The following NEURL1 variants were observed in gnomAD, a reference collection of about 807,000 sequenced individuals.
The protein encoded by NEURL1 is neuralized E3 ubiquitin protein ligase 1, also known as E3 ubiquitin-protein ligase NEURL1.
NEURL1 carries 26 observed loss-of-function variants against 41.2 expected under a neutral mutation model. That is an observed-to-expected ratio of 0.63 (90% CI 0.46 to 0.87). The LOEUF is 0.87. Ranked by LOEUF, NEURL1 falls within the 40% of genes least tolerant of loss-of-function variation. The pLI is 0.00. For missense variants in NEURL1, 761 were observed against 871.1 expected (o/e 0.87, Z 1.59); for synonymous variants, 400 against 402.3 (o/e 0.99, Z 0.07).
chr10:103,538,346 G>A (rs751724728), intron 1 of NEURL1, among the ~76,000 whole-genome samples: 5 of 152,182 alleles, frequency 3.3e-5, no homozygotes, highest in African/African-American at 9.7e-5. Context: ...CAAGGCAGGC[G>A]GATCACCTGA....
chr10:103,567,303 C>A lies in NEURL1; in HGVS notation c.86-3569C>A, dbSNP rs563623184. Among the ~76,000 whole-genome samples the A allele has an allele frequency of 6.0e-5, 9 of 149,978 alleles. No individual in the cohort carries two copies. The East Asian group carries it at 1.8e-3, about 30-fold the overall frequency. On this transcript the variant is annotated intron_variant, in intron 1 of 5. Transcript: ENST00000369780. ...CCAGCCTGAAGGAACCTTTTTTTTT[C>A]TTCGTTTATAGGTTATGAGTATTTT... is the stretch of plus-strand genomic sequence containing the variant.
Position 103,566,230 on chromosome 10 carries a change from C to T in NEURL1, c.86-4642C>T, listed in dbSNP as rs1429460860. Among the ~76,000 whole-genome samples, 1 of 152,178 alleles carries T rather than the reference C, an allele frequency of 6.6e-6. No individual in the cohort carries two copies. Among genetic ancestry groups the T allele is most frequent in the African/African-American group, 2.4e-5 (1 of 41,448 alleles). ...TCAGCCTCCCAAGTAGCTGGGATTA[C>T]AGGTGCGAGACACCATGCCTGGCTA... On this transcript the variant is annotated intron_variant, in intron 1 of 5. Transcript: ENST00000369780. The surrounding 1 kb of genome is among the most constrained non-coding windows in gnomAD (Gnocchi z 4.2).
chr10:103,588,696 C>T (rs1255353428), intron 4 of NEURL1: 9 of 429,054 alleles, frequency 2.1e-5, no homozygotes, highest in African/African-American at 4.1e-5. Flanking sequence ...CCAGCAATCC[C>T]AGCACTTTGG....
chr10:103,584,279 A>G (rs2035847824), intron 3 of NEURL1, among the ~76,000 whole-genome samples: 1 of 152,224 alleles, frequency 6.6e-6, no homozygotes, highest in African/African-American at 2.4e-5. Flanking sequence ...ACATATGCAT[A>G]TAGCAAGCAC....
At position 103,558,129 on chromosome 10, in the gene NEURL1, C is replaced by T. The variant is rs1328278526; in HGVS notation, c.86-12743C>T. Reference sequence around the variant, plus strand: ...TCCTGACCTCGTGATCCACCTGTGTCGGCCTCCCAAAGTGCTGGGTTTACA... The same window carrying T: ...TCCTGACCTCGTGATCCACCTGTGTTGGCCTCCCAAAGTGCTGGGTTTACA... On this transcript the variant is annotated intron_variant, in intron 1 of 5. Transcript: ENST00000369780. The surrounding 1 kb of genome is among the most constrained non-coding windows in gnomAD (Gnocchi z 4.2). 1.1e-5 allele frequency: 10 copies of T among 934,708 alleles called. No individual in the cohort carries two copies. Among genetic ancestry groups the T allele is most frequent in the African/African-American group, 7.1e-5 (4 of 56,174 alleles). 57.9% of individuals were successfully genotyped at this position (934,708 alleles called of 1,614,324 possible).
Position 103,590,142 on chromosome 10 carries a change from C to T in NEURL1, c.1495C>T (p.Pro499Ser). 1 of 1,613,800 alleles carries T rather than the reference C, an allele frequency of 6.2e-7. No homozygotes were observed. The highest frequency in any genetic ancestry group is 8.5e-7 in the Non-Finnish European group (1 of 1,180,036). The change falls in exon 6 of 6, where the codon CCC becomes TCC. Residue 499 changes from proline to serine, a missense_variant. Pro to Ser is a moderately conservative substitution (Grantham distance 74). Coordinates refer to ENST00000369780, the MANE Select transcript of NEURL1 (RefSeq NM_004210.5). Reference sequence around the variant, plus strand: ...TGCCCCCTTGTCCTCAGGGACAGCCCCCAATTCGCCAGTGAGCCTGCCCGA... The same window carrying T: ...TGCCCCCTTGTCCTCAGGGACAGCCTCCAATTCGCCAGTGAGCCTGCCCGA... ...PLGSSAGGTA[P>S]NSPVSLPESP...
At chr10:103,494,614 G>A (rs1432930158) in intron 1 of NEURL1, 142 bp downstream of exon 1, 26 of 716,070 alleles carry the variant, frequency 3.6e-5, no homozygotes, top group Non-Finnish European at 5.5e-5. Context: ...GAGTGGGCTG[G>A]GGGTGGAGGG....
At chr10:103,553,104 G>A (rs1592216784) in intron 1 of NEURL1, among the ~76,000 whole-genome samples, 1 of 152,168 alleles carries the variant, frequency 6.6e-6, no homozygotes. Context: ...TAAAAGGCAG[G>A]CAGGGTGTGG....
At position 103,496,892 on chromosome 10, in the gene NEURL1, T is replaced by C. The variant is rs533372054; in HGVS notation, c.85+2420T>C. ...AGAGAGCTCCCAACTAATTGCATCT[T>C]TTTAATCTAAAATTTGGAATTGTGG... On this transcript the variant is annotated intron_variant, in intron 1 of 5. Coordinates refer to ENST00000369780, the MANE Select transcript of NEURL1 (RefSeq NM_004210.5). Among the ~76,000 whole-genome samples, 8 of 152,254 alleles carry C rather than the reference T, an allele frequency of 5.3e-5. No individual in the cohort carries two copies. The South Asian group carries it at 1.5e-3, about 28-fold the overall frequency.
chr10:103,581,091 G>A (rs1006906323), intron 3 of NEURL1, among the ~76,000 whole-genome samples: 4 of 152,122 alleles, frequency 2.6e-5, no homozygotes, highest in South Asian at 2.1e-4. Context: ...TGAAGTTATC[G>A]GGTAGCTTCT....
At chr10:103,500,297 C>T (rs976931428) in intron 1 of NEURL1, among the ~76,000 whole-genome samples, 3 of 152,118 alleles carry the variant, frequency 2.0e-5, no homozygotes, top group Non-Finnish European at 4.4e-5. Context: ...CCATTAATAC[C>T]CTCCCAACAA....
At chr10:103,518,393 C>A (rs537764739) in intron 1 of NEURL1, among the ~76,000 whole-genome samples, 2 of 152,158 alleles carry the variant, frequency 1.3e-5, no homozygotes, top group Admixed American at 1.3e-4. Context: ...TTCTTTCAAC[C>A]AGTATTTAGT....
intron 1 of NEURL1, among the ~76,000 whole-genome samples, chr10:103,525,731 C>T (rs549615799): frequency 6.6e-6 from 1 of 152,222 alleles, no homozygotes; most frequent in South Asian, 2.1e-4. Flanking sequence ...TATGGATGCT[C>T]TTTATTTTTT....
intron 1 of NEURL1, among the ~76,000 whole-genome samples, chr10:103,510,509 G>A (rs1388072247): frequency 6.6e-6 from 1 of 152,206 alleles, no homozygotes; most frequent in East Asian, 1.9e-4. Context: ...GCTCTGTGGG[G>A]CGGGAGATGG....
At chr10:103,585,293 A>C (rs2035895812) in intron 4 of NEURL1, 68 bp downstream of exon 4, 2 of 1,327,086 alleles carry the variant, frequency 1.5e-6, no homozygotes, top group Middle Eastern at 4.3e-4. Context: ...GGTAGGAGAC[A>C]AAGGGCGAGC....
intron 3 of NEURL1, among the ~76,000 whole-genome samples, chr10:103,574,156 G>A (rs2035608471): frequency 6.6e-6 from 1 of 152,198 alleles, no homozygotes; most frequent in African/African-American, 2.4e-5. Flanking sequence ...GAAAACGGCA[G>A]GTGGGTGGGG....
intron 1 of NEURL1, among the ~76,000 whole-genome samples, chr10:103,540,397 C>G (rs1356893729): frequency 6.6e-6 from 1 of 152,134 alleles, no homozygotes; most frequent in Non-Finnish European, 1.5e-5. Flanking sequence ...TCAAGTGATT[C>G]TCCTGCCTCA....
At chr10:103,522,602 CAAAAAAAA>C (rs528719693) in intron 1 of NEURL1, among the ~76,000 whole-genome samples, 1 of 106,732 alleles carries the variant, frequency 9.4e-6, no homozygotes, top group Non-Finnish European at 1.9e-5. Flanking sequence ...AACTCCATTT[CAAAAAAAA>C]AAAAAAAAAA....
At chr10:103,571,466 G>A in intron 2 of NEURL1, 35 bp from the exon 3 acceptor site, 2 of 1,566,834 alleles carry the variant, frequency 1.3e-6, no homozygotes, top group Non-Finnish European at 1.7e-6. Flanking sequence ...GACCAAGTGG[G>A]AGAGGGTGGG....
Sources: gnomAD v4.1 joint callset for allele counts (sites outside exome capture counted in the v4.1 genomes callset) on GRCh38, gnomAD v4.1.1 for gene constraint, Gnocchi (gnomAD v3.1) non-coding constraint, MANE v1.5 for transcripts, NCBI Gene and HGNC (gene_info 2026-07-23, HGNC 2026-07-21) for gene names.